The following ADGRV1 variants were observed in gnomAD, a reference collection of about 807,000 sequenced individuals.
ADGRV1 encodes G-protein coupled receptor 98.
Under a neutral mutation model 596.2 loss-of-function variants are expected in ADGRV1, and 359 were observed. The ratio of observed to expected loss-of-function variants is 0.60; its 90% CI spans 0.55 to 0.66. The LOEUF (loss-of-function observed/expected upper bound fraction) is 0.66, where lower values mean the gene tolerates loss of function less well. Ranked by LOEUF, ADGRV1 falls within the 30% of genes least tolerant of loss-of-function variation. ADGRV1 has a pLI of 0.00. For synonymous variants in ADGRV1, 2,681 were observed against 2,679.2 expected, an observed-to-expected ratio of 1.00 and a Z score of -0.02; for missense variants, 7,274 against 7,575.6, an observed-to-expected ratio of 0.96 and a Z score of 1.48.
chr5:90,953,534 T>G (rs1421638576), intron 83 of ADGRV1, among the ~76,000 whole-genome samples: 1 of 152,140 alleles, frequency 6.6e-6, no homozygotes, highest in African/African-American at 2.4e-5. Flanking sequence ...TTTTTATCAG[T>G]TTGCGAGTTT....
chr5:90,756,587 A>G lies in ADGRV1; in HGVS notation c.11714A>G (p.Glu3905Gly). ...GMEIAEIMIEENDDPRGIFMF... is the reference protein window; with the variant it reads ...GMEIAEIMIEGNDDPRGIFMF... The stretch of plus-strand genomic sequence containing the variant: ...GAAATAGCTGAGATAATGATAGAAG[A>G]AAATGACGATCCCAGAGGAATTTTT... Residue 3905 changes from glutamate (E) to glycine (G), a missense_variant, in exon 56 of 90, where the codon GAA becomes GGA. Glu to Gly is a moderately conservative substitution (Grantham distance 98). Around this residue, in one of 5 missense-constraint regions of ADGRV1, gnomAD observed 3,643 missense variants for 3,809.2 expected, o/e 0.96. Coordinates refer to ENST00000405460, the MANE Select transcript of ADGRV1 (RefSeq NM_032119.4). 6.2e-7 allele frequency: 1 copy of G among 1,613,740 alleles called. No homozygotes were observed. The highest frequency in any genetic ancestry group is 1.1e-5 in the South Asian group (1 of 91,060).
chr5:90,651,637 C>T lies in ADGRV1; in HGVS notation c.3323C>T (p.Thr1108Ile), dbSNP rs773942000. ...GTAGTATATCAATATGGAGTAGCTA[C>T]AGTAATAATTGAAGCTAATGATGAC... ...DTVVYQYGVA[T>I]VIIEANDDPN... The change falls in exon 18 of 90, where the codon ACA (threonine) becomes ATA (isoleucine). Residue 1108 changes from threonine (T) to isoleucine (I), a missense_variant. Physicochemically the swap from Thr to Ile is moderately conservative, Grantham distance 89 (BLOSUM62 -1). Transcript: ENST00000405460. 1 of 1,607,860 alleles carries T rather than the reference C, an allele frequency of 6.2e-7. No homozygotes were observed. The highest frequency in any genetic ancestry group is 1.7e-4 in the Middle Eastern group (1 of 6,038).
At chr5:91,072,715 C>T (rs1788497797) in intron 86 of ADGRV1, 111 bp downstream of exon 86, 1 of 1,085,718 alleles carries the variant, frequency 9.2e-7, no homozygotes, top group Non-Finnish European at 1.3e-6. Flanking sequence ...TCTTTCAGCT[C>T]TGAAGCCACA....
Position 90,848,826 on chromosome 5 carries a change from G to T in ADGRV1, c.17204+5G>T. ...TTGCGGCTCTCCTGGTGAAAAGTAA[G>T]TATCTTTTAATATATTAGCAGTACC... On this transcript the variant is annotated splice_donor_5th_base_variant and intron_variant, in intron 79 of 89. Transcript: ENST00000405460. 5 of 1,572,718 alleles carry T rather than the reference G, an allele frequency of 3.2e-6. No homozygotes were observed. Among genetic ancestry groups the T allele is most frequent in the Non-Finnish European group, 4.3e-6 (5 of 1,164,082 alleles).
chr5:91,051,868 G>T (rs1786368445), intron 85 of ADGRV1, among the ~76,000 whole-genome samples: 2 of 152,032 alleles, frequency 1.3e-5, no homozygotes, highest in Admixed American at 6.6e-5. Context: ...TTACAATGAT[G>T]AGAACCTCAC....
At chr5:90,628,262 AT>A (rs1286838537) in intron 7 of ADGRV1, among the ~76,000 whole-genome samples, 2 of 151,962 alleles carry the variant, frequency 1.3e-5, no homozygotes, top group Non-Finnish European at 2.9e-5. Flanking sequence ...AAATAAAAAG[AT>A]TAGCTGAGTG....
intron 83 of ADGRV1, among the ~76,000 whole-genome samples, chr5:90,937,821 TCTGA>T (rs1345974687): frequency 6.6e-6 from 1 of 152,204 alleles, no homozygotes; most frequent in African/African-American, 2.4e-5. Context: ...TTATTTCACT[TCTGA>T]CTGTGTATAT....
At chr5:90,795,226 C>A (rs1760561702) in intron 70 of ADGRV1, among the ~76,000 whole-genome samples, 1 of 151,932 alleles carries the variant, frequency 6.6e-6, no homozygotes, top group South Asian at 2.1e-4. Context: ...CCCCAAGGAG[C>A]CCAGCAAACT....
chr5:90,720,531 C>T (rs1051937329), intron 44 of ADGRV1, among the ~76,000 whole-genome samples: 1 of 152,150 alleles, frequency 6.6e-6, no homozygotes, highest in African/African-American at 2.4e-5. Flanking sequence ...TAATAGAAAG[C>T]AGACTTAACT....
chr5:90,939,799 T>C (rs937470509), intron 83 of ADGRV1, among the ~76,000 whole-genome samples: 2 of 152,170 alleles, frequency 1.3e-5, no homozygotes, highest in African/African-American at 4.8e-5. Context: ...CCTACTCTTA[T>C]GTGAACCTTA....
chr5:91,151,483 A>G (rs1404406447), intron 88 of ADGRV1, among the ~76,000 whole-genome samples: 1 of 152,178 alleles, frequency 6.6e-6, no homozygotes, highest in Non-Finnish European at 1.5e-5. Context: ...TAGTATCCTT[A>G]ATTTTTTGGA....
rs2149964605 is a variant in ADGRV1, at chr5:90,753,635, T to A, written c.11183T>A (p.Ile3728Lys). Residue 3728 changes from isoleucine to lysine, a missense_variant, in exon 54 of 90, where the codon ATA becomes AAA. Ile to Lys is a moderately radical substitution (Grantham distance 102, BLOSUM62 -3). This residue lies in a region of ADGRV1 where 3,643 missense variants were observed against 3,809.2 expected (regional missense o/e 0.96). Transcript: ENST00000405460. ...TITLTILADN[I>K]PELSEVVIVT... ...ACTCTAACTATTCTTGCTGATAATA[T>A]ACCAGAGTTATCAGAGGTTGTGATT... 1.2e-6 allele frequency: 2 copies of A among 1,612,112 alleles called. No homozygotes were observed. The highest frequency in any genetic ancestry group is 1.7e-6 in the Non-Finnish European group (2 of 1,178,226).
At chr5:90,606,721 G>T (rs1254507675) in intron 1 of ADGRV1, among the ~76,000 whole-genome samples, 1 of 152,112 alleles carries the variant, frequency 6.6e-6, no homozygotes, top group Non-Finnish European at 1.5e-5. Flanking sequence ...TAGACCACAT[G>T]TTGTGAAACG....
At chr5:90,804,094 GGCA>G (rs1761672510) in intron 71 of ADGRV1, among the ~76,000 whole-genome samples, 1 of 152,146 alleles carries the variant, frequency 6.6e-6, no homozygotes, top group African/African-American at 2.4e-5. Context: ...CAAAGCTTTT[GGCA>G]GTTGCTAAGC....
intron 85 of ADGRV1, among the ~76,000 whole-genome samples, chr5:91,038,839 T>C (rs78723316): frequency 0.015 from 2,304 of 152,278 alleles, 50 homozygotes; most frequent in African/African-American, 0.051. Context: ...CTTGAATTCA[T>C]TGAAGAAAGA....
At chr5:90,807,516 A>G (rs1486508043) in intron 72 of ADGRV1, 86 bp from the exon 73 acceptor site, 6 of 1,293,964 alleles carry the variant, frequency 4.6e-6, no homozygotes, top group Non-Finnish European at 6.3e-6. Context: ...TTGGAAAAGA[A>G]AATACACTAC....
At chr5:90,880,957 T>C (rs993076348) in intron 83 of ADGRV1, among the ~76,000 whole-genome samples, 1 of 152,232 alleles carries the variant, frequency 6.6e-6, no homozygotes, top group Admixed American at 6.5e-5. Flanking sequence ...TTCATGGTTC[T>C]GTCTGGTATA....
At chr5:90,723,042 C>T (rs1465635242) in intron 45 of ADGRV1, among the ~76,000 whole-genome samples, 1 of 151,950 alleles carries the variant, frequency 6.6e-6, no homozygotes, top group Non-Finnish European at 1.5e-5. Flanking sequence ...GTGTCAACCC[C>T]TGGTGAGAAG....
chr5:90,800,525 A>G (rs1761243040), intron 70 of ADGRV1, among the ~76,000 whole-genome samples: 1 of 152,220 alleles, frequency 6.6e-6, no homozygotes, highest in Non-Finnish European at 1.5e-5. Context: ...ACGATTCCTC[A>G]AGGATCTAGG....
Sources: allele counts gnomAD v4.1 joint callset (sites outside exome capture counted in the v4.1 genomes callset), GRCh38; gene constraint gnomAD v4.1.1; regional missense constraint gnomAD v4.1.1; transcripts MANE v1.5; gene names NCBI Gene and HGNC (gene_info 2026-07-23, HGNC 2026-07-21).